The following NBEA variants were observed in gnomAD, a reference collection of about 807,000 sequenced individuals.
NBEA encodes lysosomal-trafficking regulator 2.
In NBEA, 44 loss-of-function variants were observed where a neutral mutation model predicts 343.4. That is an observed-to-expected ratio of 0.13 (90% CI 0.10 to 0.16). The LOEUF (loss-of-function observed/expected upper bound fraction) is 0.16, where lower values mean the gene tolerates loss of function less well. Ranked by LOEUF, NBEA falls within the 10% of genes least tolerant of loss-of-function variation. The pLI is 1.00. For synonymous variants in NBEA, 1,175 were observed against 1,238.7 expected, an observed-to-expected ratio of 0.95 and a Z score of 1.08; for missense variants, 2,555 against 3,631.3, an observed-to-expected ratio of 0.70 and a Z score of 7.62.
chr13:34,999,901 C>T (rs1034095146), intron 1 of NBEA, among the ~76,000 whole-genome samples: 4 of 152,132 alleles, frequency 2.6e-5, no homozygotes, highest in African/African-American at 9.7e-5. Context: ...ACAGTACTTA[C>T]ATTCACTGGT....
chr13:34,974,674 A>G (rs1023749800), intron 1 of NBEA, among the ~76,000 whole-genome samples: 3 of 152,312 alleles, frequency 2.0e-5, no homozygotes, highest in Admixed American at 1.3e-4. Context: ...GGAAAATAAT[A>G]TTTTAGGGAT....
At chr13:35,417,758 G>A (rs1566101791) in intron 38 of NBEA, among the ~76,000 whole-genome samples, 2 of 152,086 alleles carry the variant, frequency 1.3e-5, no homozygotes, top group South Asian at 2.1e-4. Flanking sequence ...GGTCCTCTTG[G>A]TGCAGAGCTG....
At chr13:35,433,045 A>G (rs1024304191) in intron 39 of NBEA, among the ~76,000 whole-genome samples, 3 of 152,118 alleles carry the variant, frequency 2.0e-5, no homozygotes, top group Non-Finnish European at 4.4e-5. Context: ...ATGAAGTTTG[A>G]AAAAGATGGT....
At chr13:35,564,027 C>A (rs1292811437) in intron 44 of NBEA, among the ~76,000 whole-genome samples, 1 of 151,788 alleles carries the variant, frequency 6.6e-6, no homozygotes, top group Non-Finnish European at 1.5e-5. Flanking sequence ...GGATCCTTAC[C>A]TTCCTCCTTC....
At position 35,579,368 on chromosome 13, in the gene NBEA, T is replaced by C. The variant is rs572682839; in HGVS notation, c.7036-4530T>C. ...GTCTCATATAATACCATTTATCCAA[T>C]ATGTTTTATTTATATAATTTTTGTG... On this transcript the variant is annotated intron_variant, in intron 45 of 58. Transcript: ENST00000379939. Among the ~76,000 whole-genome samples the C allele has an allele frequency of 1.1e-4, 17 of 152,272 alleles. No homozygotes were observed. The South Asian group carries it at 2.3e-3, about 20-fold the overall frequency.
At chr13:35,279,392 T>C (rs2034888761) in intron 34 of NBEA, among the ~76,000 whole-genome samples, 1 of 152,182 alleles carries the variant, frequency 6.6e-6, no homozygotes, top group Non-Finnish European at 1.5e-5. Context: ...AAACCAGATA[T>C]TCTGATTTTC....
chr13:34,959,981 C>G (rs2059609572), intron 1 of NBEA, among the ~76,000 whole-genome samples: 4 of 151,994 alleles, frequency 2.6e-5, no homozygotes, highest in African/African-American at 9.7e-5. Context: ...ATTATTTTAG[C>G]AAGAACTCAA....
intron 40 of NBEA, among the ~76,000 whole-genome samples, chr13:35,455,397 TAAAA>T (rs529352383): frequency 7.9e-6 from 1 of 126,168 alleles, no homozygotes; most frequent in South Asian, 2.4e-4. Flanking sequence ...TTTCTGTTTA[TAAAA>T]AAAAAAAAAA....
intron 39 of NBEA, among the ~76,000 whole-genome samples, chr13:35,448,291 A>T (rs1215344684): frequency 6.6e-5 from 10 of 152,246 alleles, no homozygotes; most frequent in Admixed American, 1.3e-4. Context: ...AAAGTAACAT[A>T]AAGCTTTTTT....
In NBEA at chr13:35,557,663, G is replaced by A. The variant is rs138864862; in HGVS notation, c.6922+2561G>A. ...GAAAGCCTGACTATTGTAAGCAATG[G>A]GATAAAAATTAACAATAGGGACTAG... On this transcript the variant is annotated intron_variant, in intron 44 of 58. Transcript: ENST00000379939. Among the ~76,000 whole-genome samples, 82 of 152,030 alleles carry A rather than the reference G, an allele frequency of 5.4e-4. 1 individual carries two copies. The highest frequency in any genetic ancestry group is 1.9e-3 in the African/African-American group (77 of 41,474).
chr13:35,327,168 A>G (rs920018607), intron 36 of NBEA, among the ~76,000 whole-genome samples: 13 of 152,196 alleles, frequency 8.5e-5, no homozygotes, highest in Middle Eastern at 3.4e-3. Context: ...ATGCTTATAC[A>G]CTGTTGATGG....
intron 1 of NBEA, among the ~76,000 whole-genome samples, chr13:35,021,687 C>G (rs2152541686): frequency 6.6e-6 from 1 of 152,006 alleles, no homozygotes; most frequent in East Asian, 1.9e-4. Flanking sequence ...ACTTAGTGCT[C>G]TCTAACTTAA....
At chr13:35,161,705 G>T in intron 22 of NBEA, 45 bp from the exon 23 acceptor site, 2 of 1,443,738 alleles carry the variant, frequency 1.4e-6, no homozygotes, top group African/African-American at 1.4e-5. Context: ...TTAAAATGAG[G>T]CATTTCTTTT....
chr13:35,091,530 A>G (rs764448434), intron 10 of NBEA, among the ~76,000 whole-genome samples: 1 of 152,018 alleles, frequency 6.6e-6, no homozygotes, highest in Non-Finnish European at 1.5e-5. Context: ...ATGATTGTCT[A>G]TGTAAAAATT....
At position 35,574,390 on chromosome 13, in the gene NBEA, G is replaced by GAAAAA. The variant is rs1211548433; in HGVS notation, c.7035+7374_7035+7378dup. Among the ~76,000 whole-genome samples the GAAAAA allele has an allele frequency of 1.4e-3, 193 of 136,300 alleles. 5 individuals carry two copies. The highest frequency in any genetic ancestry group is 5.1e-3 in the African/African-American group (182 of 35,924). The allele number at this position is 136,300 out of a possible 152,430, so 89.4% of individuals were successfully genotyped here. On this transcript the variant is annotated intron_variant, in intron 45 of 58. Coordinates refer to ENST00000379939, the MANE Select transcript of NBEA (RefSeq NM_001385012.1). ...GTTTTTATACACTATCAAAAAAAAA[G>GAAAAA]AAAAACAAAAGAAAAAAAACAAGGA... is the stretch of plus-strand genomic sequence containing the variant.
intron 39 of NBEA, among the ~76,000 whole-genome samples, chr13:35,450,253 T>C (rs2046240448): frequency 6.6e-6 from 1 of 151,084 alleles, no homozygotes; most frequent in South Asian, 2.1e-4. Context: ...GGTGGGAGGA[T>C]CGCTTGAGCT....
chr13:35,551,350 TA>T (rs2079315088), intron 43 of NBEA, among the ~76,000 whole-genome samples: 1 of 152,192 alleles, frequency 6.6e-6, no homozygotes, highest in Non-Finnish European at 1.5e-5. Context: ...CTGAAGATCA[TA>T]AATGATTAAT....
intron 36 of NBEA, among the ~76,000 whole-genome samples, chr13:35,311,986 AG>A (rs1485145489): frequency 6.6e-6 from 1 of 152,256 alleles, no homozygotes; most frequent in African/African-American, 2.4e-5. Context: ...TTTTGGAATA[AG>A]GATTCAAACA....
In NBEA at chr13:35,654,867, G is replaced by A; in HGVS notation, c.8048G>A (p.Gly2683Asp). Residue 2683 changes from glycine to aspartate, a missense_variant, in exon 54 of 59, where the codon GGT becomes GAT. Physicochemically the swap from Gly to Asp is moderately conservative, Grantham distance 94 (BLOSUM62 -1). This residue lies in a region of NBEA where 39 missense variants were observed against 37.9 expected (regional missense o/e 1.03). Transcript: ENST00000379939. Reference protein sequence around the residue: ...EMDPLIANNSGVNKRQITDLV... With the variant: ...EMDPLIANNSDVNKRQITDLV... Reference sequence around the variant, plus strand: ...CATTTACTTTTAGCCAATAATTCAGGTGTAAACAAACGGCAGATCACAGAC... The same window carrying A: ...CATTTACTTTTAGCCAATAATTCAGATGTAAACAAACGGCAGATCACAGAC... 1 of 1,574,264 alleles carries A rather than the reference G, an allele frequency of 6.4e-7. No individual in the cohort carries two copies. Among genetic ancestry groups the A allele is most frequent in the Non-Finnish European group, 8.6e-7 (1 of 1,166,480 alleles).
Sources: gnomAD v4.1 joint callset for allele counts (sites outside exome capture counted in the v4.1 genomes callset) on GRCh38, gnomAD v4.1.1 for gene constraint, gnomAD v4.1.1 regional missense constraint, MANE v1.5 for transcripts, NCBI Gene and HGNC (gene_info 2026-07-23, HGNC 2026-07-21) for gene names.